TTC7A: variants seen among roughly 807,000 people sequenced by gnomAD.
TTC7A encodes tetratricopeptide repeat protein 7A.
In TTC7A, 110 loss-of-function variants were observed where a neutral mutation model predicts 103.7. The observed-to-expected ratio is 1.06, with a 90% CI of 0.91 to 1.24. The LOEUF (loss-of-function observed/expected upper bound fraction) is 1.24. Ranked by LOEUF, TTC7A falls within the 50% of genes most tolerant of loss-of-function variation. The pLI, the probability that TTC7A is intolerant of heterozygous loss-of-function variation, is 0.00. For synonymous variants in TTC7A, 521 were observed against 467.9 expected (o/e 1.11, Z -1.47); for missense variants, 1,340 against 1,116.3 (o/e 1.20, Z -2.86).
At chr2:47,058,841 GC>G (rs1683531960) in intron 18 of TTC7A, among the ~76,000 whole-genome samples, 1 of 151,994 alleles carries the variant, frequency 6.6e-6, no homozygotes, top group Non-Finnish European at 1.5e-5. Context: ...TGGAGAAACT[GC>G]CCCATTTCCT....
chr2:47,049,045 C>T (rs1226948616), intron 16 of TTC7A, among the ~76,000 whole-genome samples: 1 of 152,140 alleles, frequency 6.6e-6, no homozygotes. Flanking sequence ...CGAGTTGAAG[C>T]CAGGGTGAGC....
At position 47,033,075 on chromosome 2, in the gene TTC7A, T is replaced by C. The variant is rs1299193938; in HGVS notation, c.1802+3691T>C. Among the ~76,000 whole-genome samples, 4 of 152,076 alleles carry C rather than the reference T, an allele frequency of 2.6e-5. 1 individual carries two copies. The highest frequency in any genetic ancestry group is 2.0e-4 in the Admixed American group (3 of 15,278). On this transcript the variant is annotated intron_variant, in intron 15 of 19. Coordinates refer to ENST00000319190, the MANE Select transcript of TTC7A (RefSeq NM_020458.4). ...TAGAAACCCATGGATTAGCAGGAAA[T>C]GTCACTGAGTCCATTACAGGTCAGG...
chr2:47,002,587 A>T (rs1219667302), intron 8 of TTC7A, among the ~76,000 whole-genome samples: 1 of 152,000 alleles, frequency 6.6e-6, no homozygotes, highest in East Asian at 1.9e-4. Context: ...GGGAGGAGGG[A>T]GCAGGACAGC....
intron 1 of TTC7A, 107 bp from the exon 2 acceptor site, chr2:46,950,251 GAGCCA>G: frequency 9.4e-7 from 1 of 1,068,506 alleles, no homozygotes; most frequent in Admixed American, 2.3e-5. Flanking sequence ...TCTCAGACCT[GAGCCA>G]TTCATGTACT....
chr2:46,924,099 G>T (rs1669261878), intron 2 of TTC7A, among the ~76,000 whole-genome samples: 1 of 151,880 alleles, frequency 6.6e-6, no homozygotes, highest in African/African-American at 2.4e-5. Context: ...AGCTACCCAG[G>T]AGGCAGAGGT....
At chr2:46,932,678 A>G (rs1312895833) in intron 2 of TTC7A, among the ~76,000 whole-genome samples, 3 of 152,044 alleles carry the variant, frequency 2.0e-5, no homozygotes, top group Non-Finnish European at 4.4e-5. Flanking sequence ...AGATGGGTGG[A>G]TCACCTGAGT....
intron 1 of TTC7A, among the ~76,000 whole-genome samples, chr2:46,950,044 A>G (rs147975601): frequency 2.6e-5 from 4 of 152,342 alleles, no homozygotes; most frequent in Non-Finnish European, 4.4e-5. Context: ...ACAGCACAGC[A>G]TATGTATGAC....
intron 3 of TTC7A, among the ~76,000 whole-genome samples, chr2:46,961,051 T>G (rs1672325814): frequency 6.6e-6 from 1 of 152,138 alleles, no homozygotes; most frequent in East Asian, 1.9e-4. Flanking sequence ...TGGTCTAGAG[T>G]GGAAGCCCAC....
chr2:46,996,244 A>G (rs1030510341), intron 8 of TTC7A, among the ~76,000 whole-genome samples: 8 of 152,220 alleles, frequency 5.3e-5, no homozygotes, highest in Non-Finnish European at 1.2e-4. Context: ...TCAGAAGCCA[A>G]GCACACAGGA....
intron 19 of TTC7A, among the ~76,000 whole-genome samples, chr2:47,066,766 G>A (rs1392562420): frequency 1.3e-5 from 2 of 152,190 alleles, no homozygotes; most frequent in African/African-American, 4.8e-5. Context: ...ATGTTGCCCA[G>A]GTTAGTCTTG....
At chr2:47,013,992 C>G (rs1227721237) in intron 11 of TTC7A, among the ~76,000 whole-genome samples, 4 of 152,190 alleles carry the variant, frequency 2.6e-5, no homozygotes, top group African/African-American at 9.7e-5. Context: ...CACCTCCTAC[C>G]TGTCTTGGAT....
chr2:47,026,073 G>T (rs1332899629), intron 14 of TTC7A, among the ~76,000 whole-genome samples: 2 of 152,208 alleles, frequency 1.3e-5, no homozygotes, highest in Non-Finnish European at 1.5e-5. Context: ...AGCCAGTGGA[G>T]CCTAGGGCCC....
intron 18 of TTC7A, among the ~76,000 whole-genome samples, chr2:47,056,243 T>G (rs1327240615): frequency 1.3e-5 from 2 of 152,258 alleles, no homozygotes; most frequent in African/African-American, 4.8e-5. Context: ...TTCTGGGCAT[T>G]TATATGCTCT....
intron 5 of TTC7A, among the ~76,000 whole-genome samples, chr2:46,983,573 A>C (rs1436158885): frequency 6.6e-6 from 1 of 152,152 alleles, no homozygotes; most frequent in South Asian, 2.1e-4. Flanking sequence ...ATTTGGGAGG[A>C]GCAGGGGTCA....
chr2:47,029,463 C>G (rs1680286925), intron 15 of TTC7A, 79 bp downstream of exon 15: 1 of 1,505,202 alleles, frequency 6.6e-7, no homozygotes, highest in Non-Finnish European at 9.2e-7. Flanking sequence ...CCTGCCCTGC[C>G]ATGGTGTCAG....
At chr2:46,991,043 G>C (rs1675572825) in intron 5 of TTC7A, among the ~76,000 whole-genome samples, 1 of 152,168 alleles carries the variant, frequency 6.6e-6, no homozygotes, top group South Asian at 2.1e-4. Flanking sequence ...TTCCCGAATA[G>C]CTGGGACTAC....
At chr2:47,053,505 T>G (rs941045776) in intron 18 of TTC7A, among the ~76,000 whole-genome samples, 2 of 151,810 alleles carry the variant, frequency 1.3e-5, no homozygotes, top group African/African-American at 4.8e-5. Flanking sequence ...GCCTTGGTTT[T>G]GGTGGGCGGG....
chr2:46,977,087 G>A (rs956360019), intron 4 of TTC7A, among the ~76,000 whole-genome samples: 5 of 152,190 alleles, frequency 3.3e-5, no homozygotes. Context: ...CTGCTCAGCT[G>A]GAAGCCTAGG....
intron 12 of TTC7A, among the ~76,000 whole-genome samples, chr2:47,022,929 A>G (rs1167208504): frequency 6.6e-6 from 1 of 152,148 alleles, no homozygotes; most frequent in African/African-American, 2.4e-5. Flanking sequence ...CCTGGATGCA[A>G]TCATGTTAAA....
Sources: gnomAD v4.1 joint callset for allele counts (sites outside exome capture counted in the v4.1 genomes callset) on GRCh38, gnomAD v4.1.1 for gene constraint, MANE v1.5 for transcripts, NCBI Gene and HGNC (gene_info 2026-07-23, HGNC 2026-07-21) for gene names.